MAGI2: variants seen among roughly 807,000 people sequenced by gnomAD.
The protein encoded by MAGI2 is membrane associated guanylate kinase, WW and PDZ domain containing 2, also known as membrane-associated guanylate kinase, WW and PDZ domain-containing protein 2.
Under a neutral mutation model 133.3 loss-of-function variants are expected in MAGI2, and 35 were observed. The observed-to-expected ratio is 0.26, with a 90% CI of 0.20 to 0.35. The LOEUF (loss-of-function observed/expected upper bound fraction) is 0.35. Ranked by LOEUF, MAGI2 falls within the 10% of genes least tolerant of loss-of-function variation. The pLI is 1.00. For synonymous variants in MAGI2, 729 were observed against 710.6 expected, an observed-to-expected ratio of 1.03 and a Z score of -0.41; for missense variants, 1,636 against 1,863.4, an observed-to-expected ratio of 0.88 and a Z score of 2.25.
At chr7:78,038,575 AG>A (rs1225367230) in intron 21 of MAGI2, among the ~76,000 whole-genome samples, 1 of 54,888 alleles carries the variant, frequency 1.8e-5, no homozygotes, top group African/African-American at 7.6e-5. Context: ...CTAGAAATGC[AG>A]ACTCCCCACC....
chr7:78,600,793 T>A lies in MAGI2; in HGVS notation c.538+26327A>T, dbSNP rs142027338. ...AGCTAAATATTCATTAGATTAGGAA[T>A]CAGGTTAGAAATCAAAGTGAAATGT... is the stretch of plus-strand genomic sequence containing the variant. On this transcript the variant is annotated intron_variant, in intron 3 of 21. Transcript: ENST00000354212. 4.1e-4 allele frequency among the ~76,000 whole-genome samples: 62 copies of A among 152,126 alleles called. No homozygotes were observed. In the East Asian group the frequency reaches 9.5e-3, roughly 23 times the overall value.
chr7:78,208,510 T>C (rs1319897702), intron 10 of MAGI2, among the ~76,000 whole-genome samples: 1 of 152,216 alleles, frequency 6.6e-6, no homozygotes, highest in South Asian at 2.1e-4. Context: ...GAAGAAAATA[T>C]TAACAACTAC....
At chr7:78,684,873 C>T (rs1816107061) in intron 2 of MAGI2, among the ~76,000 whole-genome samples, 1 of 152,052 alleles carries the variant, frequency 6.6e-6, no homozygotes, top group African/African-American at 2.4e-5. Context: ...AGAACGATGG[C>T]AAATTATGCA....
chr7:78,983,195 C>A (rs1205627736), intron 2 of MAGI2, among the ~76,000 whole-genome samples: 1 of 151,814 alleles, frequency 6.6e-6, no homozygotes. Context: ...ACATATGTGG[C>A]TTGCATTGTA....
chr7:79,306,238 GTA>G (rs1159494001), intron 1 of MAGI2, among the ~76,000 whole-genome samples: 2 of 142,740 alleles, frequency 1.4e-5, no homozygotes, highest in Non-Finnish European at 3.1e-5. Context: ...TTATTTATAT[GTA>G]TATGTATATT....
intron 9 of MAGI2, among the ~76,000 whole-genome samples, chr7:78,326,408 C>G (rs573721862): frequency 6.6e-6 from 1 of 152,350 alleles, no homozygotes; most frequent in East Asian, 1.9e-4. Flanking sequence ...TCTTTTAGCA[C>G]TTATCTCCAG....
chr7:78,213,460 T>C (rs1307609724), intron 10 of MAGI2, among the ~76,000 whole-genome samples: 1 of 152,206 alleles, frequency 6.6e-6, no homozygotes, highest in Non-Finnish European at 1.5e-5. Context: ...CTTCTTCCTC[T>C]CCTCCAAGAG....
intron 1 of MAGI2, among the ~76,000 whole-genome samples, chr7:79,147,893 T>G (rs1822804275): frequency 1.3e-5 from 2 of 152,178 alleles, no homozygotes; most frequent in South Asian, 4.1e-4. Flanking sequence ...AGCCGCAGCT[T>G]GTATGTTCTG....
At chr7:79,107,174 C>G (rs1224821052) in intron 1 of MAGI2, among the ~76,000 whole-genome samples, 1 of 152,142 alleles carries the variant, frequency 6.6e-6, no homozygotes, top group Non-Finnish European at 1.5e-5. Context: ...AAGTGGAGAG[C>G]TTTCTCCAGG....
chr7:78,653,840 C>G (rs1034504960), intron 2 of MAGI2, among the ~76,000 whole-genome samples: 1 of 151,160 alleles, frequency 6.6e-6, no homozygotes, highest in Non-Finnish European at 1.5e-5. Flanking sequence ...TCTTCCCATA[C>G]CACTTGTCCA....
chr7:78,446,162 T>C (rs1471657351), intron 6 of MAGI2, among the ~76,000 whole-genome samples: 1 of 67,348 alleles, frequency 1.5e-5, no homozygotes, highest in East Asian at 7.6e-4. Flanking sequence ...TAACTTATTT[T>C]TTATGATGGT....
chr7:78,630,778 C>T (rs989019598), intron 2 of MAGI2, among the ~76,000 whole-genome samples: 8 of 152,116 alleles, frequency 5.3e-5, no homozygotes, highest in African/African-American at 1.4e-4. Context: ...ATTCATTAAT[C>T]ATTAAATAAA....
chr7:79,403,016 G>A (rs184981435), intron 1 of MAGI2, among the ~76,000 whole-genome samples: 176 of 152,274 alleles, frequency 1.2e-3, no homozygotes, highest in Non-Finnish European at 1.9e-3. Flanking sequence ...TATTGGGTAT[G>A]AAGATTAAAT....
chr7:79,226,966 G>T (rs1830916571), intron 1 of MAGI2, among the ~76,000 whole-genome samples: 1 of 152,094 alleles, frequency 6.6e-6, no homozygotes, highest in East Asian at 1.9e-4. Flanking sequence ...AACCAATATT[G>T]AAAGTGTTTT....
At chr7:78,118,646 A>G (rs868723670) in intron 20 of MAGI2, among the ~76,000 whole-genome samples, 6 of 152,232 alleles carry the variant, frequency 3.9e-5, no homozygotes, top group Non-Finnish European at 8.8e-5. Flanking sequence ...TAAAACAACA[A>G]TGAGATACCA....
intron 1 of MAGI2, among the ~76,000 whole-genome samples, chr7:79,194,857 TAGAG>T (rs1273425994): frequency 2.0e-5 from 3 of 151,774 alleles, no homozygotes; most frequent in Non-Finnish European, 4.4e-5. Flanking sequence ...TGAAAATTAA[TAGAG>T]AGAATCAAGT....
intron 6 of MAGI2, among the ~76,000 whole-genome samples, chr7:78,442,670 C>G (rs965684380): frequency 6.6e-6 from 1 of 152,064 alleles, no homozygotes; most frequent in African/African-American, 2.4e-5. Context: ...TGATTTTAAT[C>G]CCCTAAATAA....
chr7:78,381,863 A>C (rs1288223195), intron 6 of MAGI2, among the ~76,000 whole-genome samples: 2 of 152,144 alleles, frequency 1.3e-5, no homozygotes, highest in East Asian at 3.9e-4. Flanking sequence ...ATGTGGTACA[A>C]CCTCTAGGAG....
At chr7:78,737,815 GTATT>G (rs1822014224) in intron 2 of MAGI2, among the ~76,000 whole-genome samples, 1 of 151,960 alleles carries the variant, frequency 6.6e-6, no homozygotes, top group Non-Finnish European at 1.5e-5. Context: ...AACATAGTAA[GTATT>G]AACAGATATG....
Sources: allele counts gnomAD v4.1 joint callset (sites outside exome capture counted in the v4.1 genomes callset), GRCh38; gene constraint gnomAD v4.1.1; transcripts MANE v1.5; gene names NCBI Gene and HGNC (gene_info 2026-07-23, HGNC 2026-07-21).